Variants in ANTXRL observed in about 807,000 individuals in gnomAD.
ANTXRL encodes the protein ANTXR like.
Under a neutral mutation model 75.4 loss-of-function variants are expected in ANTXRL, and 63 were observed. The observed-to-expected ratio is 0.84, with a 90% confidence interval of 0.68 to 1.03. ANTXRL has a LOEUF of 1.03. ANTXRL is among the 50% of genes least tolerant of loss of function. The pLI, the probability that ANTXRL is intolerant of heterozygous loss-of-function variation, is 0.00. For synonymous variants in ANTXRL, 335 were observed against 291.3 expected, an observed-to-expected ratio of 1.15 and a Z score of -1.53; for missense variants, 797 against 789.4, an observed-to-expected ratio of 1.01 and a Z score of -0.12.
At chr10:46,315,586 C>T (rs1554964514) in intron 16 of ANTXRL, among the ~76,000 whole-genome samples, 2 of 152,190 alleles carry the variant, frequency 1.3e-5, no homozygotes, top group Non-Finnish European at 2.9e-5. Context: ...ATGCCTCTTT[C>T]TCCACCCATG....
intron 9 of ANTXRL, among the ~76,000 whole-genome samples, chr10:46,299,847 A>G (rs1173677288): frequency 7.2e-5 from 11 of 152,160 alleles, no homozygotes; most frequent in African/African-American, 1.9e-4. Context: ...AACAGGAGCT[A>G]CGCTGACACT....
chr10:46,297,741 G>A (rs1837469444), intron 7 of ANTXRL, 90 bp from the exon 8 acceptor site: 3 of 1,167,930 alleles, frequency 2.6e-6, no homozygotes, highest in Non-Finnish European at 3.7e-6. Context: ...TGCCCCCAAA[G>A]CATGAGGGCA....
chr10:46,296,388 C>G (rs1837378424), intron 5 of ANTXRL, 136 bp downstream of exon 5: 2 of 908,714 alleles, frequency 2.2e-6, no homozygotes, highest in Non-Finnish European at 3.4e-6. Flanking sequence ...CTGCTCTGAG[C>G]TCCAGGTCCC....
chr10:46,300,397 CCT>C (rs1365887076), intron 9 of ANTXRL, among the ~76,000 whole-genome samples: 4 of 152,120 alleles, frequency 2.6e-5, no homozygotes, highest in Admixed American at 2.0e-4. Flanking sequence ...CCAGACTCCC[CCT>C]GTTTAGCCCT....
In ANTXRL at chr10:46,287,412, C is replaced by T. The variant is rs1283769306; in HGVS notation, c.150C>T (p.Ala50=). ...GCCTGGCCCTGGGCTCCAGGAGAGC[C>T]CACCACCACCATGGCCCAGGATGGA... ...FHRLALGSRR[A]HHHHGPGWRQ... The change falls in exon 1 of 17, where the codon GCC becomes GCT. Residue 50 remains alanine, a synonymous_variant. Coordinates refer to ENST00000620264, the MANE Select transcript of ANTXRL (RefSeq NM_001278688.3). 4 of 1,535,916 alleles carry T rather than the reference C, an allele frequency of 2.6e-6. No individual in the cohort carries two copies. The East Asian group carries it at 9.8e-5, about 38-fold the overall frequency.
intron 16 of ANTXRL, among the ~76,000 whole-genome samples, chr10:46,324,028 A>G (rs1554966032): frequency 2.0e-5 from 3 of 152,194 alleles, no homozygotes; most frequent in African/African-American, 7.2e-5. Context: ...TCCCTTCAGC[A>G]GTCAGGTCAT....
At chr10:46,307,865 C>T (rs1168795300) in intron 12 of ANTXRL, among the ~76,000 whole-genome samples, 1 of 152,128 alleles carries the variant, frequency 6.6e-6, no homozygotes, top group Non-Finnish European at 1.5e-5. Flanking sequence ...CCTTCAGCCC[C>T]CTTTCTGCCT....
chr10:46,326,526 A>G (rs1423930515), intron 16 of ANTXRL, among the ~76,000 whole-genome samples: 1 of 152,106 alleles, frequency 6.6e-6, no homozygotes, highest in Non-Finnish European at 1.5e-5. Context: ...GGCTGCCCCT[A>G]GGGATTGCTC....
At chr10:46,327,717 G>C (rs1234388336) in intron 16 of ANTXRL, among the ~76,000 whole-genome samples, 1 of 152,174 alleles carries the variant, frequency 6.6e-6, no homozygotes, top group African/African-American at 2.4e-5. Context: ...GTTCAAGCAA[G>C]CTCAAAGTCT....
intron 16 of ANTXRL, among the ~76,000 whole-genome samples, chr10:46,315,402 CGGCTGTGGA>C (rs1294934112): frequency 2.0e-5 from 3 of 152,222 alleles, no homozygotes; most frequent in Non-Finnish European, 4.4e-5. Flanking sequence ...TGCAACCGCA[CGGCTGTGGA>C]GGCATCAGTG....
chr10:46,321,801 G>T (rs1838989503), intron 16 of ANTXRL, among the ~76,000 whole-genome samples: 1 of 152,058 alleles, frequency 6.6e-6, no homozygotes, highest in Admixed American at 6.6e-5. Context: ...ATTTCGTAAG[G>T]TATCAACTTA....
intron 9 of ANTXRL, among the ~76,000 whole-genome samples, chr10:46,301,781 G>A (rs782551771): frequency 2.6e-5 from 4 of 152,230 alleles, no homozygotes; most frequent in African/African-American, 4.8e-5. Context: ...ACTGCAGAAA[G>A]GCAGGAAGCA....
Position 46,327,696 on chromosome 10 carries a change from A to G in ANTXRL, c.1411-1903A>G, listed in dbSNP as rs537316033. On this transcript the variant is annotated intron_variant, in intron 16 of 16. Coordinates refer to ENST00000620264, the MANE Select transcript of ANTXRL (RefSeq NM_001278688.3). ...ACATGTCCAAGGGGAGGCTTTATGCATGAATGACAGGTTCAAGCAAGCTCA... is the reference window on the plus strand; with the variant it reads ...ACATGTCCAAGGGGAGGCTTTATGCGTGAATGACAGGTTCAAGCAAGCTCA... Among the ~76,000 whole-genome samples the G allele has an allele frequency of 2.6e-5, 4 of 152,226 alleles. No individual in the cohort carries two copies. The East Asian group carries it at 7.7e-4, about 29-fold the overall frequency.
chr10:46,324,487 GC>G (rs1456461869), intron 16 of ANTXRL, among the ~76,000 whole-genome samples: 1 of 152,048 alleles, frequency 6.6e-6, no homozygotes, highest in Non-Finnish European at 1.5e-5. Context: ...CATCCATTTG[GC>G]TTTTTAACTG....
In ANTXRL at chr10:46,329,943, C is replaced by G. The variant is rs782012254; in HGVS notation, c.1755C>G (p.Pro585=). 6 of 1,535,872 alleles carry G rather than the reference C, an allele frequency of 3.9e-6. No individual in the cohort carries two copies. Among genetic ancestry groups the G allele is most frequent in the Non-Finnish European group, 5.2e-6 (6 of 1,146,736 alleles). Residue 585 remains proline (P), a synonymous_variant, in exon 17 of 17, where the codon CCC becomes CCG. Coordinates refer to ENST00000620264, the MANE Select transcript of ANTXRL (RefSeq NM_001278688.3). ...TTCAACCCAGCCGGGAGTGCCTCCCCCTCACCTGCTCCTCCAGGTGCCGCC... is the reference window on the plus strand; with the variant it reads ...TTCAACCCAGCCGGGAGTGCCTCCCGCTCACCTGCTCCTCCAGGTGCCGCC... ...SCLQPSRECL[P]LTCSSRCRLP...
At chr10:46,326,678 C>T (rs1346705926) in intron 16 of ANTXRL, among the ~76,000 whole-genome samples, 2 of 152,084 alleles carry the variant, frequency 1.3e-5, no homozygotes, top group Non-Finnish European at 2.9e-5. Context: ...ACAAAGCCAC[C>T]TCTGTGAGGC....
At chr10:46,322,806 A>G (rs995950610) in intron 16 of ANTXRL, among the ~76,000 whole-genome samples, 5 of 152,180 alleles carry the variant, frequency 3.3e-5, no homozygotes, top group African/African-American at 9.7e-5. Context: ...GTAGGTCATC[A>G]TGAGAGAATT....
chr10:46,306,776 C>G, intron 10 of ANTXRL, 27 bp from the exon 11 acceptor site: 1 of 1,505,690 alleles, frequency 6.6e-7, no homozygotes, highest in Non-Finnish European at 8.9e-7. Context: ...GGTGCACTGA[C>G]ATTCTTCTCA....
At chr10:46,290,622 C>G (rs1164903743) in intron 1 of ANTXRL, among the ~76,000 whole-genome samples, 1 of 152,160 alleles carries the variant, frequency 6.6e-6, no homozygotes, top group Non-Finnish European at 1.5e-5. Context: ...ATAATAGTCA[C>G]CCCAATGGGT....
Sources: gnomAD v4.1 joint callset for allele counts (sites outside exome capture counted in the v4.1 genomes callset) on GRCh38, gnomAD v4.1.1 for gene constraint, MANE v1.5 for transcripts, NCBI Gene and HGNC (gene_info 2026-07-23, HGNC 2026-07-21) for gene names.